Variants in MAF observed in about 807,000 individuals in gnomAD.
The protein encoded by MAF is MAF bZIP transcription factor.
In MAF, 10 loss-of-function variants were observed where a neutral mutation model predicts 22.0. The observed-to-expected ratio is 0.45, with a 90% CI of 0.28 to 0.77. The LOEUF is 0.77. Ranked by LOEUF, MAF falls within the 30% of genes least tolerant of loss-of-function variation. MAF has a pLI of 0.12. For synonymous variants in MAF, 337 were observed against 255.8 expected (o/e 1.32, Z -3.03); for missense variants, 544 against 548.4 (o/e 0.99, Z 0.08).
At chr16:79,580,532 T>C in the MAF span, among the ~76,000 whole-genome samples, 2 of 152,120 alleles carry the variant, frequency 1.3e-5, no homozygotes, top group Non-Finnish European at 2.9e-5. Flanking sequence ...AGACAGTACC[T>C]CGGGGGAAAG....
At chr16:79,282,305 C>G in the MAF span, among the ~76,000 whole-genome samples, 2 of 152,082 alleles carry the variant, frequency 1.3e-5, no homozygotes, top group African/African-American at 4.8e-5. Flanking sequence ...CCCCAAGTTC[C>G]CTGGGAGAGG....
At chr16:79,558,473 GC>G in the MAF span, among the ~76,000 whole-genome samples, 1 of 152,124 alleles carries the variant, frequency 6.6e-6, no homozygotes, top group Non-Finnish European at 1.5e-5. Flanking sequence ...ACTTCCTGGA[GC>G]TAAAATTAAA....
chr16:79,454,873 G>A, the MAF span, among the ~76,000 whole-genome samples: 2 of 152,054 alleles, frequency 1.3e-5, no homozygotes, highest in Non-Finnish European at 2.9e-5. Flanking sequence ...GAGGCAGGTG[G>A]ATCACCTGAG....
At chr16:79,491,395 ATCTGATTGCAT>A in the MAF span, among the ~76,000 whole-genome samples, 1 of 152,210 alleles carries the variant, frequency 6.6e-6, no homozygotes, top group African/African-American at 2.4e-5. Context: ...CTCCTGTGGC[ATCTGATTGCAT>A]TCTTCATGCA....
chr16:79,315,973 T>C, the MAF span, among the ~76,000 whole-genome samples: 1 of 152,234 alleles, frequency 6.6e-6, no homozygotes, highest in Admixed American at 6.5e-5. Flanking sequence ...GCACCTGCCA[T>C]TCTGAACCTC....
At chr16:79,239,657 G>C in the MAF span, among the ~76,000 whole-genome samples, 1 of 151,980 alleles carries the variant, frequency 6.6e-6, no homozygotes, top group East Asian at 1.9e-4. Context: ...CTCACAGCTG[G>C]GAATCACAGA....
At chr16:79,347,144 AT>A in the MAF span, among the ~76,000 whole-genome samples, 1 of 152,186 alleles carries the variant, frequency 6.6e-6, no homozygotes, top group African/African-American at 2.4e-5. Flanking sequence ...AGGCTATTTC[AT>A]TTGCTAAAAT....
the MAF span, among the ~76,000 whole-genome samples, chr16:79,532,227 A>G: frequency 6.6e-6 from 1 of 152,174 alleles, no homozygotes; most frequent in African/African-American, 2.4e-5. Flanking sequence ...TGGAGTAGAG[A>G]CATGGCCCCC....
chr16:79,448,125 C>G, the MAF span, among the ~76,000 whole-genome samples: 3 of 152,092 alleles, frequency 2.0e-5, no homozygotes, highest in Non-Finnish European at 2.9e-5. Flanking sequence ...AGGTTTGATT[C>G]CAGTTTTGAA....
Position 79,599,527 on chromosome 16 carries a change from C to G in MAF, c.376G>C (p.Gly126Arg). 1 of 1,553,652 alleles carries G rather than the reference C, an allele frequency of 6.4e-7. No homozygotes were observed. Among genetic ancestry groups the G allele is most frequent in the South Asian group, 1.2e-5 (1 of 84,536 alleles). ...ALISNSHQLQ[G>R]GFDGYARGAQ... ...CCGCGCGCGTAGCCATCGAAGCCGC[C>G]CTGGAGCTGGTGGCTGTTGCTGATG... Residue 126 changes from glycine to arginine, a missense_variant, in exon 1 of 2, where the codon GGC becomes CGC. Gly to Arg is a moderately radical substitution (Grantham distance 125, BLOSUM62 -2). Coordinates refer to ENST00000326043, the MANE Select transcript of MAF (RefSeq NM_005360.5).
At chr16:79,570,084 T>A in the MAF span, among the ~76,000 whole-genome samples, 1 of 151,744 alleles carries the variant, frequency 6.6e-6, no homozygotes, top group Non-Finnish European at 1.5e-5. Context: ...GGAAGCTATT[T>A]ATTTAGACTC....
At chr16:79,387,925 T>A in the MAF span, among the ~76,000 whole-genome samples, 5 of 152,238 alleles carry the variant, frequency 3.3e-5, no homozygotes, top group Admixed American at 6.5e-5. Context: ...CCCAACATAG[T>A]TAACTGAGTT....
the MAF span, among the ~76,000 whole-genome samples, chr16:79,543,059 T>C: frequency 6.6e-6 from 1 of 152,212 alleles, no homozygotes; most frequent in African/African-American, 2.4e-5. Context: ...AAACAGTAAA[T>C]GTTAAGCCTT....
chr16:79,215,945 G>A, the MAF span, among the ~76,000 whole-genome samples: 136 of 152,264 alleles, frequency 8.9e-4, no homozygotes, highest in African/African-American at 3.3e-3. Flanking sequence ...AACCCACTCA[G>A]TCAGACACTG....
the MAF span, among the ~76,000 whole-genome samples, chr16:79,239,987 C>A: frequency 6.6e-6 from 1 of 151,936 alleles, no homozygotes; most frequent in African/African-American, 2.4e-5. Flanking sequence ...CCCAGGAAGG[C>A]TTCACAAAGT....
the MAF span, among the ~76,000 whole-genome samples, chr16:79,510,706 C>T: frequency 1.3e-5 from 2 of 152,216 alleles, no homozygotes; most frequent in African/African-American, 4.8e-5. Flanking sequence ...AGGGGACATA[C>T]ACATCGAATG....
the MAF span, among the ~76,000 whole-genome samples, chr16:79,533,721 A>G: frequency 2.6e-5 from 4 of 152,212 alleles, no homozygotes; most frequent in African/African-American, 9.6e-5. Flanking sequence ...TTATTTCAAT[A>G]CCAGTGACCT....
the MAF span, among the ~76,000 whole-genome samples, chr16:79,312,719 G>T: frequency 2.0e-5 from 3 of 152,180 alleles, no homozygotes; most frequent in African/African-American, 4.8e-5. Flanking sequence ...ATATCTAATC[G>T]CAGGGCCTGT....
the MAF span, among the ~76,000 whole-genome samples, chr16:79,288,051 A>G: frequency 6.6e-6 from 1 of 152,176 alleles, no homozygotes; most frequent in Admixed American, 6.5e-5. Context: ...ACTGCTTGTA[A>G]TTACTCTGTT....
Sources: allele counts gnomAD v4.1 joint callset (sites outside exome capture counted in the v4.1 genomes callset), GRCh38; gene constraint gnomAD v4.1.1; transcripts MANE v1.5; gene names NCBI Gene and HGNC (gene_info 2026-07-23, HGNC 2026-07-21).